Variants in SDC4 observed in about 807,000 individuals in gnomAD.
The protein encoded by SDC4 is syndecan-4.
SDC4 carries 17 observed loss-of-function variants against 20.5 expected under a neutral mutation model. The observed-to-expected ratio is 0.83, with a 90% CI of 0.57 to 1.25. The LOEUF is 1.25. SDC4 is among the 50% of genes most tolerant of loss of function. SDC4 has a pLI of 0.00. For synonymous variants in SDC4, 107 were observed against 105.3 expected (o/e 1.02, Z -0.10); for missense variants, 241 against 252.3 (o/e 0.96, Z 0.30).
At chr20:45,330,339 C>G in intron 4 of SDC4, 27 bp downstream of exon 4, 2 of 1,606,088 alleles carry the variant, frequency 1.2e-6, no homozygotes, top group Non-Finnish European at 1.7e-6. Flanking sequence ...ACCTTCAAGG[C>G]ATCTTATAAG....
In SDC4 at chr20:45,338,911, G is replaced by C. The variant is rs115999131; in HGVS notation, c.61-2991C>G. 9.5e-4 allele frequency among the ~76,000 whole-genome samples: 144 copies of C among 152,292 alleles called. No homozygotes were observed. In the Middle Eastern group the frequency reaches 0.017, roughly 18 times the overall value. On this transcript the variant is annotated intron_variant, in intron 1 of 4. Transcript: ENST00000372733. ...AAAGGCTGCATTTAGATGAGCCCAG[G>C]ATTTCCCTCCTACAGCAAGTCAAGG... is the stretch of plus-strand genomic sequence containing the variant.
intron 1 of SDC4, among the ~76,000 whole-genome samples, chr20:45,338,517 T>C (rs1212130748): frequency 6.6e-6 from 1 of 152,152 alleles, no homozygotes; most frequent in Non-Finnish European, 1.5e-5. Flanking sequence ...CCAGGAGCCA[T>C]GGAAGGTTGT....
intron 2 of SDC4, among the ~76,000 whole-genome samples, chr20:45,334,318 TC>T (rs1361003442): frequency 1.3e-5 from 2 of 150,916 alleles, no homozygotes; most frequent in East Asian, 3.9e-4. Context: ...TTTAACAAGA[TC>T]CCCAGGGAAT....
At chr20:45,346,643 T>C (rs1988036175) in intron 1 of SDC4, among the ~76,000 whole-genome samples, 1 of 152,188 alleles carries the variant, frequency 6.6e-6, no homozygotes, top group Non-Finnish European at 1.5e-5. Context: ...CCCCAGTTGC[T>C]TGACCCGACA....
chr20:45,330,004 C>T lies in SDC4; in HGVS notation c.445+362G>A, dbSNP rs6032117. Among the ~76,000 whole-genome samples the T allele has an allele frequency of 6.3e-3, 952 of 152,242 alleles. 9 individuals carry two copies. Among genetic ancestry groups the T allele is most frequent in the African/African-American group, 0.022 (907 of 41,532 alleles). On this transcript the variant is annotated intron_variant, in intron 4 of 4. Coordinates refer to ENST00000372733, the MANE Select transcript of SDC4 (RefSeq NM_002999.4). The stretch of plus-strand genomic sequence containing the variant: ...AGGGGGAGGGGAAGCTAACCCAATT[C>T]GAAGGAGCCTCCAGACTTACAAGGG...
At chr20:45,343,972 T>A (rs1419887336) in intron 1 of SDC4, among the ~76,000 whole-genome samples, 2 of 152,228 alleles carry the variant, frequency 1.3e-5, no homozygotes, top group African/African-American at 4.8e-5. Context: ...ACTTCGCACG[T>A]CTGGAGTTAA....
rs1380992385 is a variant in SDC4 at position 45,327,225 on chromosome 20, CT to C, written c.*38del. 4 of 1,611,202 alleles carry C rather than the reference CT, an allele frequency of 2.5e-6. No individual in the cohort carries two copies. The Admixed American group carries it at 5.0e-5, about 20-fold the overall frequency. On this transcript the variant is annotated 3_prime_UTR_variant, in exon 5 of 5. Transcript: ENST00000372733. ...CACCCTTCAAAATCCCCTGGCTTCC[CT>C]CCCCGCTAAAGTCCAAGCCAGTGCC...
chr20:45,346,558 C>T (rs535658300), intron 1 of SDC4, among the ~76,000 whole-genome samples: 37 of 152,318 alleles, frequency 2.4e-4, no homozygotes, highest in South Asian at 2.3e-3. Context: ...ACTGGGCACA[C>T]GGTGACCTCA....
intron 1 of SDC4, 68 bp from the exon 2 acceptor site, chr20:45,335,988 C>T (rs1987859216): frequency 6.5e-7 from 1 of 1,544,100 alleles, no homozygotes; most frequent in East Asian, 2.3e-5. Flanking sequence ...TGCCCAAAAG[C>T]TAGTGAAGTG....
chr20:45,335,815 C>T lies in SDC4; in HGVS notation c.166G>A (p.Asp56Asn). 6.2e-7 allele frequency: 1 copy of T among 1,613,990 alleles called. No homozygotes were observed. Among genetic ancestry groups the T allele is most frequent in the Non-Finnish European group, 8.5e-7 (1 of 1,179,974 alleles). ...EDVVGPGQES[D>N]DFELSGSGDL... ...CCAGAGCCAGACAGCTCAAAGTCAT[C>T]AGATTCCTGCCCGGGCCCCACTACA... The change falls in exon 2 of 5, where the codon GAT becomes AAT. Residue 56 changes from aspartate (D) to asparagine (N), a missense_variant. By Grantham distance (23) the Asp-to-Asn change is conservative. Transcript: ENST00000372733.
intron 4 of SDC4, among the ~76,000 whole-genome samples, chr20:45,328,312 C>T (rs1391993213): frequency 6.6e-6 from 1 of 152,232 alleles, no homozygotes; most frequent in Non-Finnish European, 1.5e-5. Context: ...TTTCCTTCAT[C>T]TCCCTACCGC....
intron 2 of SDC4, 84 bp downstream of exon 2, chr20:45,335,698 T>G (rs888574041): frequency 1.4e-6 from 2 of 1,459,974 alleles, no homozygotes; most frequent in African/African-American, 1.4e-5. Context: ...AATCCAAGTC[T>G]CAAGGCATGG....
intron 1 of SDC4, among the ~76,000 whole-genome samples, chr20:45,342,192 G>A (rs754268661): frequency 2.8e-4 from 42 of 152,298 alleles, no homozygotes; most frequent in Non-Finnish European, 4.7e-4. Flanking sequence ...GAGAGCCCAC[G>A]CTGCAGCCTT....
intron 4 of SDC4, among the ~76,000 whole-genome samples, chr20:45,328,834 C>T (rs1046524928): frequency 6.6e-6 from 1 of 152,126 alleles, no homozygotes; most frequent in East Asian, 1.9e-4. Context: ...AAAAAAGTAC[C>T]CCCAGGAGGT....
chr20:45,331,088 T>A (rs1378129543), intron 3 of SDC4, among the ~76,000 whole-genome samples: 3 of 152,158 alleles, frequency 2.0e-5, no homozygotes, highest in Non-Finnish European at 4.4e-5. Flanking sequence ...AAGAACCCTC[T>A]CCCTTGGGGT....
In SDC4 at chr20:45,327,389, T is replaced by C; in HGVS notation, c.472A>G (p.Ile158Val). Residue 158 changes from isoleucine to valine, a missense_variant, in exon 5 of 5, where the codon ATC (isoleucine) becomes GTC (valine). Coordinates refer to ENST00000372733, the MANE Select transcript of SDC4 (RefSeq NM_002999.4). ...AGGATCAGGAAGACGGCAAAGAGGATGCCCACGATGCCACCCACAATCAGA... is the reference window on the plus strand; with the variant it reads ...AGGATCAGGAAGACGGCAAAGAGGACGCCCACGATGCCACCCACAATCAGA... ...AALIVGGIVG[I>V]LFAVFLILLL... The C allele has an allele frequency of 6.2e-7, 1 of 1,613,976 alleles. No individual in the cohort carries two copies. Among genetic ancestry groups the C allele is most frequent in the South Asian group, 1.1e-5 (1 of 91,072 alleles).
At chr20:45,328,243 C>T (rs1292220620) in intron 4 of SDC4, among the ~76,000 whole-genome samples, 1 of 152,192 alleles carries the variant, frequency 6.6e-6, no homozygotes, top group Non-Finnish European at 1.5e-5. Flanking sequence ...AACTCAGTAG[C>T]TAAGGCCTGG....
At chr20:45,339,511 G>A (rs1987924178) in intron 1 of SDC4, among the ~76,000 whole-genome samples, 1 of 152,256 alleles carries the variant, frequency 6.6e-6, no homozygotes, top group Admixed American at 6.5e-5. Context: ...CATTTTGGGA[G>A]GCCAAGGTGG....
Position 45,348,401 on chromosome 20 carries a change from G to A in SDC4, c.-17C>T, listed in dbSNP as rs1295203866. The A allele has an allele frequency of 3.9e-6, 6 of 1,553,194 alleles. No homozygotes were observed. Among genetic ancestry groups the A allele is most frequent in the Non-Finnish European group, 4.3e-6 (5 of 1,153,144 alleles). ...GGGGGCCATGGCACCGCGGACTGGA[G>A]AAGGCGCGCAGGCTGCGGCGAGTGG... On this transcript the variant is annotated 5_prime_UTR_variant, in exon 1 of 5. Transcript: ENST00000372733.
Sources: gnomAD v4.1 joint callset for allele counts (sites outside exome capture counted in the v4.1 genomes callset) on GRCh38, gnomAD v4.1.1 for gene constraint, MANE v1.5 for transcripts, NCBI Gene and HGNC (gene_info 2026-07-23, HGNC 2026-07-21) for gene names.